The following GARRE1 variants were observed in gnomAD, a reference collection of about 807,000 sequenced individuals.
GARRE1 encodes granule associated Rac and RHOG effector 1, also known as granule associated Rac and RHOG effector protein 1.
Under a neutral mutation model 103.2 loss-of-function variants are expected in GARRE1, and 49 were observed. The ratio of observed to expected loss-of-function variants is 0.47; its 90% CI spans 0.38 to 0.60. The LOEUF is 0.60. Ranked by LOEUF, GARRE1 falls within the 20% of genes least tolerant of loss-of-function variation. The pLI, the probability that GARRE1 is intolerant of heterozygous loss-of-function variation, is 0.00. For missense variants in GARRE1, 1,199 were observed against 1,370.5 expected (o/e 0.87, Z 1.98); for synonymous variants, 505 against 532.8 (o/e 0.95, Z 0.72).
At chr19:34,285,747 C>T (rs868783259) in intron 1 of GARRE1, among the ~76,000 whole-genome samples, 2 of 151,932 alleles carry the variant, frequency 1.3e-5, no homozygotes, top group East Asian at 3.9e-4. Context: ...CCAGCTGCCT[C>T]GGCCTCCCAA....
intron 1 of GARRE1, among the ~76,000 whole-genome samples, chr19:34,297,657 C>T (rs905270547): frequency 6.6e-6 from 1 of 152,176 alleles, no homozygotes; most frequent in African/African-American, 2.4e-5. Context: ...CAGCCTGCCC[C>T]GCTTCAGCAT....
chr19:34,277,187 A>G (rs2073821887), intron 1 of GARRE1, among the ~76,000 whole-genome samples: 1 of 152,202 alleles, frequency 6.6e-6, no homozygotes, highest in Non-Finnish European at 1.5e-5. Context: ...CTCAGGAGGC[A>G]CGACATGAGG....
At chr19:34,324,596 G>T (rs190756172) in intron 3 of GARRE1, among the ~76,000 whole-genome samples, 1 of 150,758 alleles carries the variant, frequency 6.6e-6, no homozygotes, top group African/African-American at 2.4e-5. Flanking sequence ...TGACCTCCTC[G>T]GCTCAAGCAA....
At chr19:34,326,067 G>A (rs1440906760) in intron 3 of GARRE1, among the ~76,000 whole-genome samples, 3 of 152,236 alleles carry the variant, frequency 2.0e-5, no homozygotes, top group Non-Finnish European at 4.4e-5. Flanking sequence ...TCAGCTCCAG[G>A]AAGGTAAGGA....
At chr19:34,321,040 A>G (rs2074085588) in intron 3 of GARRE1, among the ~76,000 whole-genome samples, 1 of 138,892 alleles carries the variant, frequency 7.2e-6, no homozygotes, top group Non-Finnish European at 1.5e-5. Context: ...CACTGCACCC[A>G]GACAAGATTC....
chr19:34,352,736 C>G lies in GARRE1; in HGVS notation c.2994C>G (p.Leu998=), dbSNP rs779572479. 6.2e-7 allele frequency: 1 copy of G among 1,614,150 alleles called. No individual in the cohort carries two copies. The highest frequency in any genetic ancestry group is 1.1e-5 in the South Asian group (1 of 91,080). Residue 998 remains leucine, a synonymous_variant, in exon 14 of 14, where the codon CTC becomes CTG. Coordinates refer to ENST00000299505, the MANE Select transcript of GARRE1 (RefSeq NM_014686.5). ...PSTLPSPSAP[L]YAVTSPGSQW... ...CGCTGCCCAGCCCCAGCGCACCACTCTATGCAGTCACCAGCCCTGGCAGCC... is the reference window on the plus strand; with the variant it reads ...CGCTGCCCAGCCCCAGCGCACCACTGTATGCAGTCACCAGCCCTGGCAGCC...
At chr19:34,320,187 G>T in intron 3 of GARRE1, 71 bp downstream of exon 3, 1 of 1,299,086 alleles carries the variant, frequency 7.7e-7, no homozygotes, top group South Asian at 1.2e-5. Context: ...TTTGCCTGTT[G>T]ATTCTCAAAA....
chr19:34,277,663 C>A (rs2073824764), intron 1 of GARRE1, among the ~76,000 whole-genome samples: 1 of 152,120 alleles, frequency 6.6e-6, no homozygotes. Context: ...TTAGTGAGTT[C>A]AGGTGTTATG....
intron 3 of GARRE1, among the ~76,000 whole-genome samples, chr19:34,323,264 C>T (rs550831423): frequency 1.2e-4 from 18 of 152,070 alleles, no homozygotes; most frequent in African/African-American, 4.3e-4. Context: ...ATCTCCTGAC[C>T]CCGTGGTCTG....
chr19:34,259,536 T>A (rs924595289), intron 1 of GARRE1, among the ~76,000 whole-genome samples: 2 of 152,204 alleles, frequency 1.3e-5, no homozygotes, highest in African/African-American at 4.8e-5. Context: ...CATAAAGTAT[T>A]ATAAGTGCCT....
chr19:34,305,177 A>G (rs1054186229), intron 2 of GARRE1, among the ~76,000 whole-genome samples: 4 of 152,206 alleles, frequency 2.6e-5, no homozygotes, highest in Non-Finnish European at 5.9e-5. Flanking sequence ...TGAAACTTCT[A>G]CTTTCCTTTA....
intron 2 of GARRE1, among the ~76,000 whole-genome samples, chr19:34,319,177 C>T (rs2074073682): frequency 6.6e-6 from 1 of 152,142 alleles, no homozygotes; most frequent in Non-Finnish European, 1.5e-5. Flanking sequence ...GTTTGTGGCA[C>T]ATAGTATATA....
rs1188083922 is a variant in GARRE1, at chr19:34,295,496, A to G, written c.-795-4183A>G. Among the ~76,000 whole-genome samples, 6 of 141,648 alleles carry G rather than the reference A, an allele frequency of 4.2e-5. No homozygotes were observed. The Admixed American group carries it at 4.4e-4, about 10-fold the overall frequency. 92.9% of individuals were successfully genotyped at this position (141,648 alleles called of 152,430 possible). ...CTCCCCTTTTTAGGCTTTTATTTTC[A>G]TGAATCTTGTATCTCTTGGTGTTTT... On this transcript the variant is annotated intron_variant, in intron 1 of 13. Coordinates refer to ENST00000299505, the MANE Select transcript of GARRE1 (RefSeq NM_014686.5).
intron 1 of GARRE1, among the ~76,000 whole-genome samples, chr19:34,265,198 C>T (rs371288712): frequency 6.6e-6 from 1 of 152,116 alleles, no homozygotes; most frequent in Non-Finnish European, 1.5e-5. Flanking sequence ...AAATAACTCG[C>T]ATCTTCCCTC....
At position 34,341,656 on chromosome 19, in the gene GARRE1, C is replaced by T. The variant is rs745778540; in HGVS notation, c.1722C>T (p.Ser574=). The change falls in exon 10 of 14, where the codon TCC becomes TCT. Residue 574 remains serine (S), a synonymous_variant. Coordinates refer to ENST00000299505, the MANE Select transcript of GARRE1 (RefSeq NM_014686.5). ...AAAACATCTTCATAGCTGGATGTTC[C>T]GAAGAGAAGGCCAAAATGCCTGGCA... The part of the protein sequence containing the change: ...PSKNIFIAGC[S]EEKAKMPGNI... 1.2e-5 allele frequency: 20 copies of T among 1,613,970 alleles called. No individual in the cohort carries two copies. The highest frequency in any genetic ancestry group is 1.1e-4 in the South Asian group (10 of 91,084).
intron 8 of GARRE1, among the ~76,000 whole-genome samples, chr19:34,334,987 G>A (rs2074154415): frequency 6.6e-6 from 1 of 151,888 alleles, no homozygotes; most frequent in South Asian, 2.1e-4. Context: ...AGGTTGCAGT[G>A]AGCCGAGATC....
Position 34,300,933 on chromosome 19 carries a change from A to G in GARRE1, c.460A>G (p.Thr154Ala), listed in dbSNP as rs1388003627. The change falls in exon 2 of 14, where the codon ACG becomes GCG. Residue 154 changes from threonine to alanine, a missense_variant. Thr to Ala is a moderately conservative substitution (Grantham distance 58). Transcript: ENST00000299505. ...MELSAGAANF[T>A]DQKEFSLQDI... ...ACTTAGTGCTGGGGCTGCAAATTTTACGGATCAGAAGGAATTCAGTCTCCA... is the reference window on the plus strand; with the variant it reads ...ACTTAGTGCTGGGGCTGCAAATTTTGCGGATCAGAAGGAATTCAGTCTCCA... 2 of 1,604,014 alleles carry G rather than the reference A, an allele frequency of 1.2e-6. No individual in the cohort carries two copies. The highest frequency in any genetic ancestry group is 1.7e-6 in the Non-Finnish European group (2 of 1,179,852).
Position 34,347,979 on chromosome 19 carries a change from G to A in GARRE1, c.2624G>A (p.Gly875Asp), listed in dbSNP as rs774657019. The change falls in exon 11 of 14, where the codon GGC becomes GAC. Residue 875 changes from glycine to aspartate, a missense_variant. Physicochemically the swap from Gly to Asp is moderately conservative, Grantham distance 94 (BLOSUM62 -1). Coordinates refer to ENST00000299505, the MANE Select transcript of GARRE1 (RefSeq NM_014686.5). ...GGTCGCCGGCCAGGCAACCCCCGGG[G>A]CAACTGGCCGCCTATGGATGACGCG... ...QHGRRPGNPRGNWPPMDDAHR... is the reference protein window; with the variant it reads ...QHGRRPGNPRDNWPPMDDAHR... 1 of 1,583,988 alleles carries A rather than the reference G, an allele frequency of 6.3e-7. No individual in the cohort carries two copies. The highest frequency in any genetic ancestry group is 1.1e-5 in the South Asian group (1 of 87,464).
At chr19:34,283,900 C>T (rs1267995380) in intron 1 of GARRE1, among the ~76,000 whole-genome samples, 6 of 145,556 alleles carry the variant, frequency 4.1e-5, no homozygotes, top group South Asian at 4.3e-4. Flanking sequence ...GGCATGATCT[C>T]GGCTCACTGC....
Sources: gnomAD v4.1 joint callset for allele counts (sites outside exome capture counted in the v4.1 genomes callset) on GRCh38, gnomAD v4.1.1 for gene constraint, MANE v1.5 for transcripts, NCBI Gene and HGNC (gene_info 2026-07-23, HGNC 2026-07-21) for gene names.